Variants in LARGE1 observed in about 807,000 individuals in gnomAD.
LARGE1 encodes xylosyl- and glucuronyltransferase LARGE1.
LARGE1 carries 43 observed loss-of-function variants against 87.6 expected under a neutral mutation model. The ratio of observed to expected loss-of-function variants is 0.49; its 90% CI spans 0.38 to 0.63. The LOEUF is 0.63. LARGE1 is among the 30% of genes least tolerant of loss of function. The pLI is 0.00. For missense variants in LARGE1, 802 were observed against 1,000.2 expected (o/e 0.80, Z 2.67); for synonymous variants, 434 against 394.6 (o/e 1.10, Z -1.18).
At chr22:33,120,338 TTTTTCTTTC>T in the LARGE1 span, among the ~76,000 whole-genome samples, 4 of 146,776 alleles carry the variant, frequency 2.7e-5, no homozygotes, top group Non-Finnish European at 6.0e-5. Flanking sequence ...TCTTTCTTTC[TTTTTCTTTC>T]TTTTCTTTCT....
intron 1 of LARGE1, among the ~76,000 whole-genome samples, chr22:33,849,210 C>A (rs988757326): frequency 7.2e-5 from 11 of 152,176 alleles, no homozygotes; most frequent in African/African-American, 2.7e-4. Flanking sequence ...TAAGACGCTG[C>A]CTCAGAAGAA....
intron 5 of LARGE1, among the ~76,000 whole-genome samples, chr22:33,598,586 A>G (rs2079038406): frequency 6.7e-6 from 1 of 149,200 alleles, no homozygotes; most frequent in Admixed American, 6.7e-5. Context: ...ATGTGTTCTC[A>G]TTGTTCAACT....
chr22:33,156,353 G>A, the LARGE1 span, among the ~76,000 whole-genome samples: 1 of 152,222 alleles, frequency 6.6e-6, no homozygotes, highest in Admixed American at 6.5e-5. Context: ...GCTATACCCT[G>A]CAAAGCCATA....
In LARGE1 at chr22:33,274,417, C is replaced by A. The variant is rs751227310; in HGVS notation, c.*10G>T. The A allele has an allele frequency of 4.3e-6, 7 of 1,614,084 alleles. No individual in the cohort carries two copies. In the Admixed American group the frequency reaches 1.0e-4, roughly 23 times the overall value. Reference sequence around the variant, plus strand: ...CAGCATGTCTCCCCCTAGTGGTGGGCTTCTTGGTGCTAGCTGTTGTTCTCG... The same window carrying A: ...CAGCATGTCTCCCCCTAGTGGTGGGATTCTTGGTGCTAGCTGTTGTTCTCG... On this transcript the variant is annotated 3_prime_UTR_variant, in exon 15 of 15. Transcript: ENST00000397394.
intron 7 of LARGE1, among the ~76,000 whole-genome samples, chr22:33,396,451 CAG>C (rs981515920): frequency 1.1e-4 from 12 of 108,432 alleles, no homozygotes; most frequent in Non-Finnish European, 1.9e-4. Context: ...GAGTGAGAGA[CAG>C]AGAGAGTGAC....
At chr22:33,643,686 A>C (rs1447879443) in intron 3 of LARGE1, among the ~76,000 whole-genome samples, 2 of 152,162 alleles carry the variant, frequency 1.3e-5, no homozygotes, top group Non-Finnish European at 2.9e-5. Flanking sequence ...AAAGAAGAAA[A>C]AGGAGAAGAA....
At chr22:33,754,464 T>C (rs926790159) in intron 2 of LARGE1, among the ~76,000 whole-genome samples, 5 of 151,610 alleles carry the variant, frequency 3.3e-5, no homozygotes, top group African/African-American at 1.2e-4. Flanking sequence ...GCCTCCCAAG[T>C]AGCTGGGACT....
chr22:33,304,237 C>T lies in LARGE1; in HGVS notation c.1722G>A (p.Glu574=). 1 of 1,614,198 alleles carries T rather than the reference C, an allele frequency of 6.2e-7. No homozygotes were observed. The highest frequency in any genetic ancestry group is 8.5e-7 in the Non-Finnish European group (1 of 1,180,034). ...CCCCTGCAGGTCCTTACCTGAGGTACTCATAGAGCCCATACATGGGCAGGA... is the reference window on the plus strand; with the variant it reads ...CCCCTGCAGGTCCTTACCTGAGGTATTCATAGAGCCCATACATGGGCAGGA... ...IDFLPMYGLY[E]YLRKSVIQLD... Residue 574 remains glutamate, a synonymous_variant, in exon 12 of 15, where the codon GAG becomes GAA. Transcript: ENST00000397394.
chr22:33,155,025 A>C, the LARGE1 span, among the ~76,000 whole-genome samples: 1 of 152,140 alleles, frequency 6.6e-6, no homozygotes, highest in Non-Finnish European at 1.5e-5. Flanking sequence ...TTCCACCATG[A>C]TTGTGAGGCC....
intron 1 of LARGE1, among the ~76,000 whole-genome samples, chr22:33,831,522 C>G (rs943308545): frequency 6.6e-6 from 1 of 152,064 alleles, no homozygotes; most frequent in Non-Finnish European, 1.5e-5. Context: ...GCCCTAGGAC[C>G]GATGCCTGCC....
At chr22:33,577,759 G>A (rs534083556) in intron 5 of LARGE1, among the ~76,000 whole-genome samples, 1 of 152,294 alleles carries the variant, frequency 6.6e-6, no homozygotes, top group South Asian at 2.1e-4. Flanking sequence ...TTAAACACAC[G>A]GACAGCAACT....
At chr22:33,626,821 A>G (rs1057225225) in intron 3 of LARGE1, among the ~76,000 whole-genome samples, 1 of 152,214 alleles carries the variant, frequency 6.6e-6, no homozygotes, top group African/African-American at 2.4e-5. Flanking sequence ...CCCATCTGGG[A>G]TACAGTTCAA....
intron 11 of LARGE1, among the ~76,000 whole-genome samples, chr22:33,253,218 C>T (rs1927091772): frequency 6.6e-6 from 1 of 152,126 alleles, no homozygotes; most frequent in South Asian, 2.1e-4. Flanking sequence ...GTTGTTGTGA[C>T]AATTAAATTG....
chr22:33,457,136 T>C (rs2068162233), intron 6 of LARGE1, among the ~76,000 whole-genome samples: 1 of 152,110 alleles, frequency 6.6e-6, no homozygotes, highest in Non-Finnish European at 1.5e-5. Flanking sequence ...TATTTATTTA[T>C]TTATTGAGAC....
chr22:33,910,263 C>T (rs779669390), intron 1 of LARGE1, among the ~76,000 whole-genome samples: 1 of 152,166 alleles, frequency 6.6e-6, no homozygotes. Flanking sequence ...CTAAGAGCTT[C>T]GCAAGGTGCT....
intron 1 of LARGE1, among the ~76,000 whole-genome samples, chr22:33,820,346 G>A (rs927485091): frequency 2.0e-5 from 3 of 152,020 alleles, no homozygotes; most frequent in African/African-American, 4.8e-5. Flanking sequence ...TTTAGAGACA[G>A]GGTCTCACTT....
chr22:33,520,729 C>A (rs2071540008), intron 6 of LARGE1, among the ~76,000 whole-genome samples: 1 of 152,224 alleles, frequency 6.6e-6, no homozygotes, highest in Non-Finnish European at 1.5e-5. Context: ...GACAGAAATT[C>A]ATGGGATTCC....
chr22:33,805,940 G>C (rs2086294967), intron 1 of LARGE1, among the ~76,000 whole-genome samples: 1 of 152,054 alleles, frequency 6.6e-6, no homozygotes, highest in Non-Finnish European at 1.5e-5. Flanking sequence ...TTATTAAGCT[G>C]ACATTCACAT....
At chr22:33,547,423 G>A (rs1196643179) in intron 6 of LARGE1, among the ~76,000 whole-genome samples, 1 of 152,190 alleles carries the variant, frequency 6.6e-6, no homozygotes, top group Non-Finnish European at 1.5e-5. Context: ...TGTAATGCTT[G>A]CTCGCCTGGT....
Sources: gnomAD v4.1 joint callset for allele counts (sites outside exome capture counted in the v4.1 genomes callset) on GRCh38, gnomAD v4.1.1 for gene constraint, MANE v1.5 for transcripts, NCBI Gene and HGNC (gene_info 2026-07-23, HGNC 2026-07-21) for gene names.